Variants in FGF13 observed in about 807,000 individuals in gnomAD.
FGF13 encodes the protein fibroblast growth factor homologous factor 2.
FGF13 carries 2 observed loss-of-function variants against 19.5 expected under a neutral mutation model. That is an observed-to-expected ratio of 0.10 (90% CI 0.04 to 0.32). FGF13 has a LOEUF of 0.32. FGF13 is among the 10% of genes least tolerant of loss of function. The pLI, the probability that FGF13 is intolerant of heterozygous loss-of-function variation, is 1.00. For missense variants in FGF13, 113 were observed against 192.7 expected (o/e 0.59, Z 2.45); for synonymous variants, 72 against 76.9 (o/e 0.94, Z 0.33).
intron 3 of FGF13, among the ~76,000 whole-genome samples, chrX:138,693,318 C>T (rs1384309352): frequency 9.0e-6 from 1 of 111,564 alleles, no homozygotes; most frequent in African/African-American, 3.3e-5. Flanking sequence ...TTTTTCACTG[C>T]AATAATTTTA....
At chrX:138,858,970 A>G (rs181502966) in intron 2 of FGF13, among the ~76,000 whole-genome samples, 112 of 112,067 alleles carry the variant, frequency 1.0e-3, no homozygotes, top group Admixed American at 2.6e-3. Context: ...TGACTCTATG[A>G]GGGATTGTTG....
At chrX:139,020,139 A>ATC (rs2092172076) in intron 1 of FGF13, among the ~76,000 whole-genome samples, 2 of 111,305 alleles carry the variant, frequency 1.8e-5, no homozygotes, top group African/African-American at 6.5e-5. Flanking sequence ...CTTTTATAAG[A>ATC]AGGACAAAAA....
intron 1 of FGF13, among the ~76,000 whole-genome samples, chrX:139,136,345 GCCCCCCCAC>G (rs2083801535): frequency 1.2e-5 from 1 of 86,683 alleles, no homozygotes; most frequent in African/African-American, 4.3e-5. Context: ...ATTTATCCCT[GCCCCCCCAC>G]CCTCCCCGTT....
At chrX:138,867,345 C>T (rs769247199) in intron 1 of FGF13, among the ~76,000 whole-genome samples, 12 of 111,112 alleles carry the variant, frequency 1.1e-4, no homozygotes, top group Non-Finnish European at 2.1e-4. Flanking sequence ...CTTGAGCCCA[C>T]GAGTTCGAGG....
At chrX:139,190,626 T>G (rs1447076703) in intron 1 of FGF13, among the ~76,000 whole-genome samples, 1 of 111,930 alleles carries the variant, frequency 8.9e-6, no homozygotes, top group Non-Finnish European at 1.9e-5. Flanking sequence ...CCAGCCATTA[T>G]AGCCTGTAAT....
At chrX:139,145,053 C>A (rs940780142) in intron 1 of FGF13, among the ~76,000 whole-genome samples, 2 of 111,765 alleles carry the variant, frequency 1.8e-5, no homozygotes, top group African/African-American at 3.3e-5. Flanking sequence ...CAAAACAACA[C>A]GGTTTTGTAT....
chrX:138,828,018 C>T (rs1569405396), intron 3 of FGF13, among the ~76,000 whole-genome samples: 1 of 111,628 alleles, frequency 9.0e-6, no homozygotes, highest in Non-Finnish European at 1.9e-5. Flanking sequence ...CTCATGAATA[C>T]ACTGGTGACG....
At chrX:138,650,103 C>T (rs1331556137) in intron 3 of FGF13, among the ~76,000 whole-genome samples, 1 of 111,658 alleles carries the variant, frequency 9.0e-6, no homozygotes, top group Admixed American at 9.5e-5. Context: ...AGCCTGAACT[C>T]ATGAAGTATC....
chrX:139,178,399 G>A (rs1209455101), intron 1 of FGF13, among the ~76,000 whole-genome samples: 1 of 112,192 alleles, frequency 8.9e-6, no homozygotes, highest in African/African-American at 3.2e-5. Context: ...CATACTGCCA[G>A]AGGGAATTTG....
At chrX:139,068,782 CTGTT>C (rs1383193133) in intron 1 of FGF13, among the ~76,000 whole-genome samples, 2 of 111,047 alleles carry the variant, frequency 1.8e-5, no homozygotes, top group African/African-American at 3.3e-5. Context: ...ATTTGACTCT[CTGTT>C]TGTCTGTTGT....
At chrX:139,008,224 AC>A (rs1464321677) in intron 1 of FGF13, among the ~76,000 whole-genome samples, 1 of 111,780 alleles carries the variant, frequency 8.9e-6, no homozygotes, top group Non-Finnish European at 1.9e-5. Flanking sequence ...CCACCCTGGT[AC>A]CAAAGACAAA....
At chrX:138,777,507 T>C (rs1045331607) in intron 3 of FGF13, among the ~76,000 whole-genome samples, 2 of 111,565 alleles carry the variant, frequency 1.8e-5, no homozygotes, top group Non-Finnish European at 3.8e-5. Context: ...GAATCCCTTC[T>C]TCTGCCAGAG....
chrX:138,759,874 G>A (rs925982591), intron 3 of FGF13, among the ~76,000 whole-genome samples: 3 of 111,965 alleles, frequency 2.7e-5, no homozygotes, highest in African/African-American at 9.7e-5. Context: ...AATTGTTACT[G>A]TTAATAGTGA....
intron 1 of FGF13, among the ~76,000 whole-genome samples, chrX:138,942,401 A>G (rs754657322): frequency 5.4e-5 from 6 of 112,071 alleles, no homozygotes; most frequent in Non-Finnish European, 1.9e-5. Context: ...TGTGTTTTTA[A>G]CACATCACAT....
At chrX:138,836,959 T>G (rs1410241871) in intron 3 of FGF13, among the ~76,000 whole-genome samples, 1 of 110,396 alleles carries the variant, frequency 9.1e-6, no homozygotes, top group Non-Finnish European at 1.9e-5. Flanking sequence ...TGCTCCAGTT[T>G]CTAGTAGACT....
At chrX:138,717,628 G>A (rs773288074) in intron 1 of FGF13, among the ~76,000 whole-genome samples, 1 of 111,147 alleles carries the variant, frequency 9.0e-6, no homozygotes, top group African/African-American at 3.3e-5. Context: ...GGTTTGTTTT[G>A]TTTTGTTTTG....
intron 1 of FGF13, among the ~76,000 whole-genome samples, chrX:139,071,994 A>C (rs1235391375): frequency 3.9e-5 from 3 of 76,027 alleles, no homozygotes; most frequent in African/African-American, 1.7e-4. Context: ...CCAGCCACAG[A>C]GCGAGATTCC....
chrX:139,160,366 T>A (rs1415610424), intron 1 of FGF13, among the ~76,000 whole-genome samples: 1 of 112,024 alleles, frequency 8.9e-6, no homozygotes, highest in African/African-American at 3.2e-5. Flanking sequence ...TTTATAGCAC[T>A]GAATGCCCAC....
intron 2 of FGF13, among the ~76,000 whole-genome samples, chrX:138,859,822 T>C (rs1387190774): frequency 8.9e-6 from 1 of 112,359 alleles, no homozygotes; most frequent in East Asian, 2.8e-4. Context: ...TGCAGGATAA[T>C]TGCTTTCCAC....
Sources: allele counts gnomAD v4.1 joint callset (sites outside exome capture counted in the v4.1 genomes callset), GRCh38; gene constraint gnomAD v4.1.1; transcripts MANE v1.5; gene names NCBI Gene and HGNC (gene_info 2026-07-23, HGNC 2026-07-21).